UBE3C: variants seen among roughly 807,000 people sequenced by gnomAD.
UBE3C encodes ubiquitin protein ligase E3C, also known as ubiquitin-protein ligase E3C.
UBE3C carries 42 observed loss-of-function variants against 129.4 expected under a neutral mutation model. The ratio of observed to expected loss-of-function variants is 0.32; its 90% CI spans 0.25 to 0.42. UBE3C has a LOEUF of 0.42. Among genes scored for constraint, UBE3C ranks in the 10% least tolerant of loss-of-function variants. The pLI, the probability that UBE3C is intolerant of heterozygous loss-of-function variation, is 1.00. For synonymous variants in UBE3C, 510 were observed against 492.4 expected (o/e 1.04, Z -0.47); for missense variants, 1,049 against 1,319.1 (o/e 0.80, Z 3.17).
chr7:157,174,824 T>A, intron 4 of UBE3C, 95 bp from the exon 5 acceptor site: 1 of 808,664 alleles, frequency 1.2e-6, no homozygotes, highest in Non-Finnish European at 1.9e-6. Flanking sequence ...TGATTAAATG[T>A]GCATTGCCAC....
chr7:157,175,138 T>A (rs867745928), intron 5 of UBE3C, 104 bp downstream of exon 5: 92 of 160,882 alleles, frequency 5.7e-4, no homozygotes, highest in Non-Finnish European at 7.7e-4. Flanking sequence ...TTTTCCATAC[T>A]TTTTTTTTTT....
intron 9 of UBE3C, among the ~76,000 whole-genome samples, chr7:157,184,421 T>A (rs1808753569): frequency 1.3e-5 from 2 of 152,208 alleles, no homozygotes; most frequent in Admixed American, 1.3e-4. Context: ...AGGATAAATG[T>A]TATTTACTTA....
intron 10 of UBE3C, among the ~76,000 whole-genome samples, chr7:157,193,568 A>C (rs1809033152): frequency 6.6e-6 from 1 of 152,194 alleles, no homozygotes; most frequent in Non-Finnish European, 1.5e-5. Flanking sequence ...CTTAATGAGT[A>C]ATTTTTAATC....
At chr7:157,215,558 GATAT>G (rs972497261) in intron 13 of UBE3C, among the ~76,000 whole-genome samples, 5 of 146,458 alleles carry the variant, frequency 3.4e-5, no homozygotes, top group African/African-American at 1.2e-4. Flanking sequence ...ATATATAATA[GATAT>G]ATATTAGAAA....
chr7:157,193,063 C>T (rs961421238), intron 10 of UBE3C, among the ~76,000 whole-genome samples: 15 of 152,116 alleles, frequency 9.9e-5, no homozygotes, highest in Non-Finnish European at 2.1e-4. Flanking sequence ...AATGCTAGCG[C>T]GCCTGAGTGT....
intron 22 of UBE3C, among the ~76,000 whole-genome samples, chr7:157,262,740 G>A (rs1173263409): frequency 6.6e-6 from 1 of 152,024 alleles, no homozygotes; most frequent in Non-Finnish European, 1.5e-5. Context: ...CATTTTGTGG[G>A]CTGTGCTCTT....
At position 157,207,865 on chromosome 7, in the gene UBE3C, G is replaced by C; in HGVS notation, c.1739G>C (p.Gly580Ala). The C allele has an allele frequency of 9.9e-6, 16 of 1,613,638 alleles. No homozygotes were observed. The highest frequency in any genetic ancestry group is 1.3e-5 in the Non-Finnish European group (15 of 1,179,930). Residue 580 changes from glycine (G) to alanine (A), a missense_variant, in exon 13 of 23, where the codon GGA becomes GCA. Physicochemically the swap from Gly to Ala is moderately conservative, Grantham distance 60. Around this residue, in one of 4 missense-constraint regions of UBE3C, gnomAD observed 314 missense variants for 416.9 expected, o/e 0.75. Coordinates refer to ENST00000348165, the MANE Select transcript of UBE3C (RefSeq NM_014671.3). ...EEYITAFQSI[G>A]VTTSSEMQQC... Reference sequence around the variant, plus strand: ...TATATTACAGCATTTCAGAGTATTGGAGTTACTACTAGCTCTGAAATGCAA... The same window carrying C: ...TATATTACAGCATTTCAGAGTATTGCAGTTACTACTAGCTCTGAAATGCAA...
chr7:157,161,382 A>G (rs1358930866), intron 1 of UBE3C, among the ~76,000 whole-genome samples: 1 of 152,092 alleles, frequency 6.6e-6, no homozygotes, highest in Non-Finnish European at 1.5e-5. Flanking sequence ...GCTGTTGGAC[A>G]TGTGATGAAG....
chr7:157,175,186 A>G (rs1808486667), intron 5 of UBE3C, 152 bp downstream of exon 5: 2 of 434,928 alleles, frequency 4.6e-6, no homozygotes, highest in Non-Finnish European at 7.5e-6. Flanking sequence ...TATATATTAC[A>G]ATTTTTACTG....
chr7:157,246,028 A>G (rs1796467325), intron 18 of UBE3C, among the ~76,000 whole-genome samples: 1 of 151,238 alleles, frequency 6.6e-6, no homozygotes, highest in African/African-American at 2.4e-5. Context: ...TGTTCTTCAC[A>G]ATGTCTGTCA....
chr7:157,175,910 G>A (rs35241754), intron 5 of UBE3C, among the ~76,000 whole-genome samples: 16,150 of 152,040 alleles, frequency 0.11, 1,079 homozygotes, highest in Non-Finnish European at 0.14. Context: ...ATATTTTAGG[G>A]TTTGTGGTCC....
At chr7:157,262,380 A>G (rs1196648354) in intron 22 of UBE3C, among the ~76,000 whole-genome samples, 3 of 150,084 alleles carry the variant, frequency 2.0e-5, no homozygotes, top group African/African-American at 7.3e-5. Context: ...AAAGATCAGT[A>G]ATAAGAATCA....
intron 1 of UBE3C, among the ~76,000 whole-genome samples, chr7:157,149,600 C>T (rs1586643352): frequency 6.6e-6 from 1 of 152,164 alleles, no homozygotes; most frequent in South Asian, 2.1e-4. Flanking sequence ...TCTGGCTTGC[C>T]TCATGATATC....
chr7:157,162,327 T>C (rs540718188), intron 1 of UBE3C, among the ~76,000 whole-genome samples: 19 of 152,060 alleles, frequency 1.2e-4, no homozygotes, highest in Non-Finnish European at 2.4e-4. Flanking sequence ...CTCGAGTAGC[T>C]GGGACTACTG....
chr7:157,209,954 G>T (rs557010375), intron 13 of UBE3C, among the ~76,000 whole-genome samples: 1 of 152,372 alleles, frequency 6.6e-6, no homozygotes, highest in Admixed American at 6.5e-5. Flanking sequence ...GCCAAGGCGG[G>T]TGGATCACGA....
At chr7:157,207,016 T>C (rs1429502457) in intron 11 of UBE3C, among the ~76,000 whole-genome samples, 2 of 152,204 alleles carry the variant, frequency 1.3e-5, no homozygotes, top group African/African-American at 4.8e-5. Flanking sequence ...TTATTAAATA[T>C]GTTGAGTAGA....
At chr7:157,237,314 G>A (rs796717171) in intron 18 of UBE3C, among the ~76,000 whole-genome samples, 43 of 151,760 alleles carry the variant, frequency 2.8e-4, no homozygotes, top group Middle Eastern at 6.8e-3. Context: ...GGTGGCGGGC[G>A]CCTGTAGTCC....
rs1285997988 is a variant in UBE3C at position 157,207,500 on chromosome 7, T to C, written c.1521T>C (p.Phe507=). The C allele has an allele frequency of 1.1e-5, 18 of 1,613,716 alleles. No individual in the cohort carries two copies. Among genetic ancestry groups the C allele is most frequent in the East Asian group, 2.2e-5 (1 of 44,894 alleles). Residue 507 remains phenylalanine (F), a synonymous_variant, in exon 12 of 23, where the codon TTT becomes TTC. Coordinates refer to ENST00000348165, the MANE Select transcript of UBE3C (RefSeq NM_014671.3). The part of the protein sequence containing the change: ...IPLFYLFSSL[F]SHSLISIHDN... Reference sequence around the variant, plus strand: ...TCTTTTATCTTTTTAGCTCCTTGTTTAGTCATTCACTAATTTCCATACATG... The same window carrying C: ...TCTTTTATCTTTTTAGCTCCTTGTTCAGTCATTCACTAATTTCCATACATG...
chr7:157,211,391 A>G (rs1379936168), intron 13 of UBE3C, among the ~76,000 whole-genome samples: 3 of 152,128 alleles, frequency 2.0e-5, no homozygotes, highest in Non-Finnish European at 4.4e-5. Flanking sequence ...GTTATTGAAG[A>G]TTTTGATTGA....
Sources: allele counts gnomAD v4.1 joint callset (sites outside exome capture counted in the v4.1 genomes callset), GRCh38; gene constraint gnomAD v4.1.1; regional missense constraint gnomAD v4.1.1; transcripts MANE v1.5; gene names NCBI Gene and HGNC (gene_info 2026-07-23, HGNC 2026-07-21).